Variants in NAALADL2 observed in about 807,000 individuals in gnomAD.
The protein encoded by NAALADL2 is inactive N-acetylated-alpha-linked acidic dipeptidase-like protein 2.
A neutral mutation model predicts 87.2 loss-of-function variants in NAALADL2; 76 were observed. The observed-to-expected ratio is 0.87, with a 90% CI of 0.72 to 1.05. The LOEUF is 1.05. Among genes scored for constraint, NAALADL2 ranks in the 50% least tolerant of loss-of-function variants. The probability of loss-of-function intolerance (pLI) is 0.00; values close to 1 mark genes in which losing one functional copy is unlikely to be tolerated. For synonymous variants in NAALADL2, 354 were observed against 331.0 expected, an observed-to-expected ratio of 1.07 and a Z score of -0.75; for missense variants, 1,089 against 945.8, an observed-to-expected ratio of 1.15 and a Z score of -1.99.
chr3:175,732,255 A>G (rs933162548), intron 11 of NAALADL2, among the ~76,000 whole-genome samples: 5 of 152,174 alleles, frequency 3.3e-5, no homozygotes, highest in African/African-American at 1.2e-4. Flanking sequence ...TATTTATTTC[A>G]TGTGCATGAT....
At chr3:175,514,019 G>T (rs377241075) in intron 9 of NAALADL2, among the ~76,000 whole-genome samples, 4 of 152,314 alleles carry the variant, frequency 2.6e-5, no homozygotes, top group African/African-American at 9.6e-5. Flanking sequence ...CAGACAGCTT[G>T]CTTTCTCTTC....
intron 1 of NAALADL2, among the ~76,000 whole-genome samples, chr3:174,895,170 T>C (rs1436917997): frequency 1.3e-5 from 2 of 150,948 alleles, no homozygotes; most frequent in South Asian, 4.2e-4. Flanking sequence ...AGAAAAGAAA[T>C]AATAAAGATC....
intron 5 of NAALADL2, among the ~76,000 whole-genome samples, chr3:175,407,000 G>T (rs1178577850): frequency 1.3e-5 from 2 of 151,968 alleles, no homozygotes; most frequent in Non-Finnish European, 2.9e-5. Flanking sequence ...GGCTAACATG[G>T]TGAAACCCCG....
At chr3:175,481,973 A>G (rs1390054386) in intron 9 of NAALADL2, among the ~76,000 whole-genome samples, 1 of 152,002 alleles carries the variant, frequency 6.6e-6, no homozygotes, top group Non-Finnish European at 1.5e-5. Context: ...GTGTATCTCC[A>G]GAAAAAAATT....
intron 4 of NAALADL2, among the ~76,000 whole-genome samples, chr3:175,281,561 T>C (rs1040790176): frequency 2.0e-5 from 3 of 151,990 alleles, no homozygotes; most frequent in Admixed American, 2.0e-4. Context: ...TCAAACTCTT[T>C]TGTGTATCTG....
chr3:174,779,351 T>G (rs1373559667), intron 3 of NAALADL2, among the ~76,000 whole-genome samples: 1 of 152,112 alleles, frequency 6.6e-6, no homozygotes, highest in Non-Finnish European at 1.5e-5. Flanking sequence ...TTTGTTTAAG[T>G]TCTTTGTAGA....
intron 13 of NAALADL2, among the ~76,000 whole-genome samples, chr3:175,801,392 GCTC>G (rs1316388682): frequency 6.6e-6 from 1 of 151,944 alleles, no homozygotes; most frequent in African/African-American, 2.4e-5. Context: ...TCCCATGTCT[GCTC>G]CTATCATTGC....
chr3:175,399,337 G>A (rs772569325), intron 5 of NAALADL2, among the ~76,000 whole-genome samples: 2 of 152,126 alleles, frequency 1.3e-5, no homozygotes, highest in Non-Finnish European at 2.9e-5. Context: ...TAGAGGCTAG[G>A]AATACCTAAC....
At position 174,777,152 on chromosome 3, in the gene NAALADL2, C is replaced by T. The variant is rs1176815246; in HGVS notation, c.-9+39406C>T. ...GATATTTTGGACACCAGCCCAGAAA[C>T]CACTGTCTAATCACCTTGTATGGAA... On this transcript the variant is annotated intron_variant, in intron 3 of 3. Transcript: ENST00000434257. Among the ~76,000 whole-genome samples the T allele has an allele frequency of 3.3e-5, 5 of 152,084 alleles. No homozygotes were observed. The East Asian group carries it at 9.6e-4, about 29-fold the overall frequency.
chr3:174,645,384 A>G (rs1303737645), intron 2 of NAALADL2, among the ~76,000 whole-genome samples: 49 of 152,222 alleles, frequency 3.2e-4, no homozygotes, highest in Admixed American at 2.9e-3. Flanking sequence ...TGTTTTAACA[A>G]AAGCTCGGAG....
At chr3:175,622,875 A>C (rs766508804) in intron 10 of NAALADL2, among the ~76,000 whole-genome samples, 1 of 152,208 alleles carries the variant, frequency 6.6e-6, no homozygotes, top group African/African-American at 2.4e-5. Flanking sequence ...ACAAGGTTTT[A>C]GTAATCTTAA....
At chr3:174,661,043 A>G (rs1450291627) in intron 2 of NAALADL2, among the ~76,000 whole-genome samples, 1 of 152,142 alleles carries the variant, frequency 6.6e-6, no homozygotes, top group Non-Finnish European at 1.5e-5. Context: ...GCCACTAGGT[A>G]TGTAGAGGCC....
chr3:175,025,051 ATTGAAC>A (rs1164475264), intron 1 of NAALADL2, among the ~76,000 whole-genome samples: 3 of 152,166 alleles, frequency 2.0e-5, no homozygotes, highest in Non-Finnish European at 4.4e-5. Context: ...CATATCAAAA[ATTGAAC>A]TTGAATCAAA....
chr3:175,026,171 AAAG>A lies in NAALADL2; in HGVS notation c.44-70615_44-70613del, dbSNP rs377345748. On this transcript the variant is annotated intron_variant, in intron 1 of 13. Transcript: ENST00000454872. ...CAATAGAAGAAAATCCTTCTGTACT[AAAG>A]AAGTGCTAGATTCTATGGATTTAAT... Among the ~76,000 whole-genome samples, 42 of 152,234 alleles carry A rather than the reference AAAG, an allele frequency of 2.8e-4. 1 individual carries two copies. The highest frequency in any genetic ancestry group is 9.9e-4 in the African/African-American group (41 of 41,538).
chr3:175,036,844 C>G (rs1461168070), intron 1 of NAALADL2, among the ~76,000 whole-genome samples: 5 of 139,546 alleles, frequency 3.6e-5, no homozygotes, highest in African/African-American at 1.4e-4. Context: ...ATACTTGCTA[C>G]CCAACAACAA....
At chr3:175,731,457 T>C (rs1390737091) in intron 11 of NAALADL2, among the ~76,000 whole-genome samples, 1 of 152,158 alleles carries the variant, frequency 6.6e-6, no homozygotes, top group East Asian at 1.9e-4. Context: ...TACCTGTCTC[T>C]TAGGGTTGTC....
chr3:174,945,192 C>T (rs527839568), intron 1 of NAALADL2, among the ~76,000 whole-genome samples: 36 of 152,226 alleles, frequency 2.4e-4, no homozygotes, highest in African/African-American at 8.4e-4. Flanking sequence ...AATGAGAAAC[C>T]GTGTACCAGG....
At chr3:174,725,724 G>T (rs1422305151) in intron 2 of NAALADL2, among the ~76,000 whole-genome samples, 1 of 152,114 alleles carries the variant, frequency 6.6e-6, no homozygotes, top group Non-Finnish European at 1.5e-5. Flanking sequence ...TGGGAGAGAG[G>T]CATGACAACA....
At chr3:174,766,163 T>C (rs1713778161) in intron 3 of NAALADL2, among the ~76,000 whole-genome samples, 1 of 152,204 alleles carries the variant, frequency 6.6e-6, no homozygotes, top group East Asian at 1.9e-4. Context: ...CTTATCCTAT[T>C]TGGATGTCAT....
Sources: gnomAD v4.1 joint callset for allele counts (sites outside exome capture counted in the v4.1 genomes callset) on GRCh38, gnomAD v4.1.1 for gene constraint, MANE v1.5 for transcripts, NCBI Gene and HGNC (gene_info 2026-07-23, HGNC 2026-07-21) for gene names.